ZFHX3: variants seen among roughly 807,000 people sequenced by gnomAD.
ZFHX3 encodes zinc finger homeobox 3.
Under a neutral mutation model 279.1 loss-of-function variants are expected in ZFHX3, and 42 were observed. That is an observed-to-expected ratio of 0.15 (90% CI 0.12 to 0.19). The LOEUF (loss-of-function observed/expected upper bound fraction) is 0.19, where lower values mean the gene tolerates loss of function less well. Ranked by LOEUF, ZFHX3 falls within the 10% of genes least tolerant of loss-of-function variation. The pLI is 1.00. For synonymous variants in ZFHX3, 2,293 were observed against 1,957.8 expected (o/e 1.17, Z -4.52); for missense variants, 4,981 against 4,754.0 (o/e 1.05, Z -1.40).
intron 1 of ZFHX3, among the ~76,000 whole-genome samples, chr16:73,010,993 T>C (rs1370084229): frequency 6.6e-6 from 1 of 152,044 alleles, no homozygotes; most frequent in African/African-American, 2.4e-5. Flanking sequence ...TTTTATTTTG[T>C]GAGACAGGGT....
intron 2 of ZFHX3, among the ~76,000 whole-genome samples, chr16:73,589,599 G>A (rs143353577): frequency 0.033 from 5,011 of 151,142 alleles, 275 homozygotes; most frequent in African/African-American, 0.11. Context: ...GCATGGTGGT[G>A]GGTGCCTGTA....
chr16:73,034,175 T>A (rs960696312), intron 1 of ZFHX3, among the ~76,000 whole-genome samples: 4 of 152,038 alleles, frequency 2.6e-5, no homozygotes, highest in African/African-American at 9.7e-5. Context: ...AGGTTGTTTC[T>A]GAGTTTTCCA....
At chr16:72,933,790 T>A (rs550682007) in intron 3 of ZFHX3, among the ~76,000 whole-genome samples, 1 of 151,488 alleles carries the variant, frequency 6.6e-6, no homozygotes, top group African/African-American at 2.4e-5. Context: ...GTTGTTATTA[T>A]GAAATGTTTA....
chr16:73,748,596 C>T (rs958026768), intron 1 of ZFHX3, among the ~76,000 whole-genome samples: 1 of 152,152 alleles, frequency 6.6e-6, no homozygotes, highest in Non-Finnish European at 1.5e-5. Flanking sequence ...AACGTCTCTA[C>T]CTATACCTCT....
intron 3 of ZFHX3, among the ~76,000 whole-genome samples, chr16:73,402,849 G>C (rs551793281): frequency 2.0e-5 from 3 of 152,208 alleles, no homozygotes; most frequent in African/African-American, 7.2e-5. Flanking sequence ...CCTAAGGTAC[G>C]GCAGAGGGAG....
chr16:72,806,600 G>A (rs2036274254), intron 7 of ZFHX3, among the ~76,000 whole-genome samples: 1 of 152,152 alleles, frequency 6.6e-6, no homozygotes, highest in South Asian at 2.1e-4. Context: ...CCAGGTGGGT[G>A]CAACCGCCCC....
chr16:73,433,939 A>G (rs2017952884), intron 3 of ZFHX3, among the ~76,000 whole-genome samples: 1 of 152,158 alleles, frequency 6.6e-6, no homozygotes, highest in Non-Finnish European at 1.5e-5. Context: ...AAGACTGGAA[A>G]AGCCTTCAGA....
intron 3 of ZFHX3, among the ~76,000 whole-genome samples, chr16:73,452,726 T>C (rs1402031675): frequency 6.6e-6 from 1 of 152,206 alleles, no homozygotes; most frequent in African/African-American, 2.4e-5. Context: ...GGGAGAAGCT[T>C]GTGCCTGTCT....
chr16:72,814,171 A>G (rs1440163517), intron 5 of ZFHX3, among the ~76,000 whole-genome samples: 1 of 152,092 alleles, frequency 6.6e-6, no homozygotes, highest in Non-Finnish European at 1.5e-5. Context: ...GGCTCAGGGT[A>G]TATATAGTTA....
At chr16:72,936,603 G>C in intron 3 of ZFHX3, among the ~76,000 whole-genome samples, 1 of 152,282 alleles carries the variant, frequency 6.6e-6, no homozygotes, top group Middle Eastern at 3.4e-3. Flanking sequence ...CCTGTGGCAG[G>C]CGCCAGCTTA....
intron 1 of ZFHX3, among the ~76,000 whole-genome samples, chr16:72,990,851 A>T (rs1963059547): frequency 6.6e-6 from 1 of 152,162 alleles, no homozygotes; most frequent in Non-Finnish European, 1.5e-5. Context: ...GTGGCGGCAC[A>T]TGCCTGTAAT....
intron 5 of ZFHX3, among the ~76,000 whole-genome samples, chr16:73,210,197 G>A (rs1292873496): frequency 6.6e-6 from 1 of 152,136 alleles, no homozygotes; most frequent in Non-Finnish European, 1.5e-5. Context: ...CAAAATTAGA[G>A]AAATGTCTAA....
intron 4 of ZFHX3, among the ~76,000 whole-genome samples, chr16:73,275,243 T>C (rs887786304): frequency 1.3e-5 from 2 of 152,234 alleles, no homozygotes; most frequent in African/African-American, 2.4e-5. Context: ...GTTACATATT[T>C]ACCTTTCTCT....
intron 2 of ZFHX3, among the ~76,000 whole-genome samples, chr16:73,511,166 T>C (rs1418547536): frequency 1.3e-5 from 2 of 152,208 alleles, no homozygotes; most frequent in African/African-American, 4.8e-5. Context: ...ATTATCTGGG[T>C]AAAGAGCTCT....
At chr16:73,109,302 C>T (rs1002329994) in intron 7 of ZFHX3, among the ~76,000 whole-genome samples, 3 of 151,972 alleles carry the variant, frequency 2.0e-5, no homozygotes. Context: ...GCTTTTTTTT[C>T]ACCCAACAGT....
intron 4 of ZFHX3, among the ~76,000 whole-genome samples, chr16:72,842,401 G>C (rs1001409653): frequency 6.6e-6 from 1 of 151,988 alleles, no homozygotes; most frequent in Non-Finnish European, 1.5e-5. Flanking sequence ...TTCACAAAGT[G>C]AAATACAGAA....
At chr16:73,289,778 A>C (rs2014721987) in intron 4 of ZFHX3, among the ~76,000 whole-genome samples, 1 of 152,088 alleles carries the variant, frequency 6.6e-6, no homozygotes, top group Non-Finnish European at 1.5e-5. Flanking sequence ...AGGAGACCCT[A>C]CCAGGTGCAC....
Position 73,334,814 on chromosome 16 carries a change from T to C in ZFHX3, c.-1290-16478A>G, listed in dbSNP as rs1393414729. Among the ~76,000 whole-genome samples the C allele has an allele frequency of 1.5e-4, 20 of 131,652 alleles. 2 individuals carry two copies. Among genetic ancestry groups the C allele is most frequent in the African/African-American group, 5.5e-4 (19 of 34,672 alleles). The allele number at this position is 131,652 out of a possible 152,430, so 86.4% of individuals were successfully genotyped here. A position where few individuals can be genotyped will look rare whatever the true frequency, so the allele number is the denominator to read the frequency against. On this transcript the variant is annotated intron_variant, in intron 3 of 17. Coordinates refer to the ZFHX3 transcript ENST00000641206. The stretch of plus-strand genomic sequence containing the variant: ...TTCCTCCTTTTCTTTCTCATTCTTT[T>C]TTTTTTTTTTTTTTTTTTTTTTGCA...
At chr16:73,038,202 G>A (rs147168470) in intron 1 of ZFHX3, among the ~76,000 whole-genome samples, 10 of 152,070 alleles carry the variant, frequency 6.6e-5, no homozygotes, top group African/African-American at 1.2e-4. Flanking sequence ...GAGAGTCCAC[G>A]GGGCCCTCGG....
Sources: allele counts gnomAD v4.1 joint callset (sites outside exome capture counted in the v4.1 genomes callset), GRCh38; gene constraint gnomAD v4.1.1; transcripts MANE v1.5; gene names NCBI Gene and HGNC (gene_info 2026-07-23, HGNC 2026-07-21).